Variants in CDH5 observed in about 807,000 individuals in gnomAD.
CDH5 encodes cadherin 5.
A neutral mutation model predicts 62.0 loss-of-function variants in CDH5; 28 were observed. That is an observed-to-expected ratio of 0.45 (90% CI 0.33 to 0.62). The LOEUF is 0.62. CDH5 is among the 20% of genes least tolerant of loss of function. CDH5 has a pLI of 0.02. For synonymous variants in CDH5, 464 were observed against 445.8 expected, an observed-to-expected ratio of 1.04 and a Z score of -0.52; for missense variants, 940 against 1,065.1, an observed-to-expected ratio of 0.88 and a Z score of 1.63.
intron 2 of CDH5, among the ~76,000 whole-genome samples, chr16:66,384,901 G>A (rs12927670): frequency 0.12 from 18,492 of 152,140 alleles, 1,226 homozygotes; most frequent in Middle Eastern, 0.23. Context: ...AGGAGGCGGA[G>A]GTTGCAGTGA....
chr16:66,367,949 G>A (rs928136088), intron 1 of CDH5, among the ~76,000 whole-genome samples: 2 of 152,180 alleles, frequency 1.3e-5, no homozygotes, highest in African/African-American at 2.4e-5. Context: ...GATCCTGGTT[G>A]TGAATGTGAT....
intron 11 of CDH5, among the ~76,000 whole-genome samples, 174 bp from the exon 12 acceptor site, chr16:66,402,478 T>C: frequency 1.1e-5 from 1 of 94,646 alleles, no homozygotes; most frequent in Admixed American, 1.1e-4. Context: ...GGGATGGGGT[T>C]GCAGGGGAAG....
chr16:66,397,221 A>AT (rs995146597), intron 8 of CDH5, among the ~76,000 whole-genome samples: 12 of 150,004 alleles, frequency 8.0e-5, no homozygotes, highest in Non-Finnish European at 1.6e-4. Context: ...CATGGTACTA[A>AT]TTTTTTTTTT....
chr16:66,375,704 C>A (rs1376800095), intron 1 of CDH5, among the ~76,000 whole-genome samples: 2 of 151,962 alleles, frequency 1.3e-5, no homozygotes. Context: ...TTAATAAACA[C>A]CGTACACTTA....
At chr16:66,401,077 G>A in intron 11 of CDH5, 61 bp downstream of exon 11, 1 of 1,606,380 alleles carries the variant, frequency 6.2e-7, no homozygotes, top group Non-Finnish European at 8.5e-7. Flanking sequence ...AAGGTGTTGG[G>A]AGGCGGGGAG....
chr16:66,395,986 T>C, intron 7 of CDH5, 73 bp from the exon 8 acceptor site: 4 of 1,489,794 alleles, frequency 2.7e-6, no homozygotes, highest in Non-Finnish European at 3.7e-6. Context: ...CAGAAGGGCC[T>C]TGTCCATCAT....
intron 1 of CDH5, among the ~76,000 whole-genome samples, chr16:66,374,401 C>T (rs1328050947): frequency 2.0e-5 from 3 of 152,210 alleles, no homozygotes; most frequent in Non-Finnish European, 4.4e-5. Context: ...AAATGACACA[C>T]AGCTGCTGTG....
chr16:66,372,458 G>A (rs1960708920), intron 1 of CDH5, among the ~76,000 whole-genome samples: 1 of 152,252 alleles, frequency 6.6e-6, no homozygotes, highest in Non-Finnish European at 1.5e-5. Flanking sequence ...ACCTGGTGGG[G>A]TGGGGAGCTT....
intron 10 of CDH5, 60 bp from the exon 11 acceptor site, chr16:66,400,711 G>A (rs536064138): frequency 1.3e-5 from 21 of 1,610,698 alleles, no homozygotes; most frequent in South Asian, 6.6e-5. Context: ...TCCTGGAGGA[G>A]CCAGGTTTCC....
chr16:66,369,088 G>A (rs750518420), intron 1 of CDH5, among the ~76,000 whole-genome samples: 61 of 152,196 alleles, frequency 4.0e-4, no homozygotes, highest in Non-Finnish European at 6.2e-4. Flanking sequence ...TCTCTTGAGA[G>A]TAGGGGATGG....
At chr16:66,400,599 C>T (rs562244864) in intron 10 of CDH5, among the ~76,000 whole-genome samples, 172 bp from the exon 11 acceptor site, 4 of 152,302 alleles carry the variant, frequency 2.6e-5, no homozygotes, top group East Asian at 3.9e-4. Context: ...CCCTCTGTGG[C>T]GGAACAGACC....
chr16:66,390,712 G>T (rs2142331142), intron 6 of CDH5, 122 bp downstream of exon 6: 2 of 889,146 alleles, frequency 2.2e-6, no homozygotes, highest in Non-Finnish European at 1.7e-6. Flanking sequence ...CTCCAAGGTG[G>T]TCATGTGTTC....
intron 1 of CDH5, among the ~76,000 whole-genome samples, chr16:66,371,664 T>C (rs1960692859): frequency 6.6e-6 from 1 of 152,084 alleles, no homozygotes; most frequent in African/African-American, 2.4e-5. Context: ...CCTGAGGCCC[T>C]CCAGCCTATT....
Position 66,388,388 on chromosome 16 carries a change from T to C in CDH5, c.564T>C (p.Ser188=). 6.2e-7 allele frequency: 1 copy of C among 1,614,072 alleles called. No individual in the cohort carries two copies. Among genetic ancestry groups the C allele is most frequent in the Non-Finnish European group, 8.5e-7 (1 of 1,179,886 alleles). The change falls in exon 4 of 12, where the codon TCT becomes TCC. Residue 188 remains serine, a synonymous_variant. Transcript: ENST00000341529. ...ACCCCACTGTGGGAGACCACGCCTC[T>C]GTCATGTACCAAATCCTGAAGGGGA... is the stretch of plus-strand genomic sequence containing the variant. The part of the protein sequence containing the change: ...ADDPTVGDHA[S]VMYQILKGKE...
chr16:66,376,574 T>C (rs1350264126), intron 1 of CDH5: 1 of 152,202 alleles, frequency 6.6e-6, no homozygotes, highest in African/African-American at 2.4e-5. Flanking sequence ...AACCACTGCC[T>C]GCACAGAGGT....
At position 66,401,027 on chromosome 16, in the gene CDH5, G is replaced by C; in HGVS notation, c.1837+11G>C. The C allele has an allele frequency of 1.2e-6, 2 of 1,613,720 alleles. No homozygotes were observed. Among genetic ancestry groups the C allele is most frequent in the Non-Finnish European group, 1.7e-6 (2 of 1,180,042 alleles). ...TCCTCACCATCACAGGTCAGTGCTG[G>C]GCAGGGTGGGGAGAAGACACAGTGG... On this transcript the variant is annotated intron_variant, in intron 11 of 11. Transcript: ENST00000341529.
chr16:66,397,872 T>A, intron 8 of CDH5, 110 bp from the exon 9 acceptor site: 2 of 1,243,764 alleles, frequency 1.6e-6, no homozygotes, highest in Admixed American at 3.5e-5. Flanking sequence ...TTCCACAGCC[T>A]CCTCCTGCAA....
chr16:66,401,344 G>A (rs1261926165), intron 11 of CDH5, among the ~76,000 whole-genome samples: 1 of 152,176 alleles, frequency 6.6e-6, no homozygotes. Flanking sequence ...CATTTACTGA[G>A]TGCCAGGCAT....
At chr16:66,380,957 T>A (rs2035588774) in intron 2 of CDH5, among the ~76,000 whole-genome samples, 1 of 152,000 alleles carries the variant, frequency 6.6e-6, no homozygotes, top group Admixed American at 6.6e-5. Context: ...GTCTGTAAAC[T>A]AGATATCACT....
Sources: allele counts gnomAD v4.1 joint callset (sites outside exome capture counted in the v4.1 genomes callset), GRCh38; gene constraint gnomAD v4.1.1; transcripts MANE v1.5; gene names NCBI Gene and HGNC (gene_info 2026-07-23, HGNC 2026-07-21).